ZNRF2: variants seen among roughly 807,000 people sequenced by gnomAD.
ZNRF2 encodes the protein E3 ubiquitin-protein ligase ZNRF2.
ZNRF2 carries 16 observed loss-of-function variants against 20.4 expected under a neutral mutation model. The ratio of observed to expected loss-of-function variants is 0.79; its 90% confidence interval spans 0.53 to 1.19. The LOEUF (loss-of-function observed/expected upper bound fraction) is 1.19. Ranked by LOEUF, ZNRF2 falls within the 50% of genes most tolerant of loss-of-function variation. The pLI, the probability that ZNRF2 is intolerant of heterozygous loss-of-function variation, is 0.00. For missense variants in ZNRF2, 363 were observed against 332.4 expected (o/e 1.09, Z -0.72); for synonymous variants, 178 against 144.9 (o/e 1.23, Z -1.64).
chr7:30,302,642 T>G (rs1371006101), intron 1 of ZNRF2, among the ~76,000 whole-genome samples: 1 of 152,158 alleles, frequency 6.6e-6, no homozygotes, highest in Non-Finnish European at 1.5e-5. Context: ...CTCGGACTAG[T>G]AGAAATATTG....
intron 2 of ZNRF2, among the ~76,000 whole-genome samples, chr7:30,349,627 CT>C (rs1051038483): frequency 2.6e-5 from 4 of 151,648 alleles, no homozygotes; most frequent in Non-Finnish European, 5.9e-5. Flanking sequence ...TTGCTGGACT[CT>C]TTTATTGCCA....
intron 2 of ZNRF2, among the ~76,000 whole-genome samples, chr7:30,352,109 A>G (rs73687813): frequency 0.019 from 2,920 of 152,138 alleles, 96 homozygotes; most frequent in African/African-American, 0.064. Context: ...TTTTCACACA[A>G]TTCTTTAAAA....
intron 1 of ZNRF2, among the ~76,000 whole-genome samples, chr7:30,313,625 A>G (rs943318113): frequency 1.3e-5 from 2 of 152,140 alleles, no homozygotes; most frequent in African/African-American, 4.8e-5. Flanking sequence ...CTCAGTTCCA[A>G]AAGTGCTTTG....
At chr7:30,342,249 C>T (rs553644163) in intron 2 of ZNRF2, among the ~76,000 whole-genome samples, 57 of 152,098 alleles carry the variant, frequency 3.7e-4, no homozygotes, top group Non-Finnish European at 5.4e-4. Context: ...TATTGTTATG[C>T]GTGAGTTTGA....
intron 1 of ZNRF2, among the ~76,000 whole-genome samples, chr7:30,311,206 C>T (rs1275499120): frequency 6.6e-6 from 1 of 152,108 alleles, no homozygotes; most frequent in African/African-American, 2.4e-5. Context: ...CCCTTGGAGT[C>T]AATAGGGGTC....
chr7:30,362,519 TTTTA>T (rs541217755), intron 4 of ZNRF2, 63 bp downstream of exon 4: 30 of 1,036,026 alleles, frequency 2.9e-5, no homozygotes, highest in Non-Finnish European at 3.4e-5. Context: ...AAACTATAAT[TTTTA>T]TTTATTCATT....
At chr7:30,306,439 AAGTC>A (rs564635835) in intron 1 of ZNRF2, among the ~76,000 whole-genome samples, 26 of 152,294 alleles carry the variant, frequency 1.7e-4, no homozygotes, top group Admixed American at 1.4e-3. Context: ...TGTTGAAACA[AAGTC>A]AGGAAGAATA....
At position 30,347,303 on chromosome 7, in the gene ZNRF2, C is replaced by T. The variant is rs114346229; in HGVS notation, c.566-8425C>T. Among the ~76,000 whole-genome samples the T allele has an allele frequency of 7.3e-3, 1,107 of 152,216 alleles. 16 individuals are homozygous for T. Among genetic ancestry groups the T allele is most frequent in the African/African-American group, 0.025 (1,037 of 41,532 alleles). On this transcript the variant is annotated intron_variant, in intron 2 of 4. Coordinates refer to ENST00000323037, the MANE Select transcript of ZNRF2 (RefSeq NM_147128.4). Reference sequence around the variant, plus strand: ...GCCTGTTGGTCAGTAGCCTGTCACACGAAGAATTTTTGTTTGAATTTGGAA... The same window carrying T: ...GCCTGTTGGTCAGTAGCCTGTCACATGAAGAATTTTTGTTTGAATTTGGAA...
At chr7:30,306,310 G>A (rs1227629731) in intron 1 of ZNRF2, among the ~76,000 whole-genome samples, 1 of 151,476 alleles carries the variant, frequency 6.6e-6, no homozygotes, top group Non-Finnish European at 1.5e-5. Context: ...ATAAAATTCA[G>A]TCTTTTATGG....
At chr7:30,355,654 T>C in intron 2 of ZNRF2, 74 bp from the exon 3 acceptor site, 2 of 1,225,194 alleles carry the variant, frequency 1.6e-6, no homozygotes, top group Admixed American at 3.8e-5. Flanking sequence ...TTTTTATCAG[T>C]TAGCATTCAC....
intron 2 of ZNRF2, among the ~76,000 whole-genome samples, chr7:30,355,397 G>A (rs1415193711): frequency 1.3e-5 from 2 of 151,890 alleles, no homozygotes; most frequent in African/African-American, 4.8e-5. Flanking sequence ...TCACACTAAA[G>A]GAAAATAAAT....
intron 2 of ZNRF2, among the ~76,000 whole-genome samples, chr7:30,343,071 C>T (rs915467832): frequency 6.6e-6 from 1 of 152,044 alleles, no homozygotes; most frequent in African/African-American, 2.4e-5. Flanking sequence ...TTTGGGAGGA[C>T]AAAGCAGGAG....
At chr7:30,311,787 C>A (rs1048043832) in intron 1 of ZNRF2, among the ~76,000 whole-genome samples, 7 of 152,066 alleles carry the variant, frequency 4.6e-5, no homozygotes, top group Non-Finnish European at 1.0e-4. Flanking sequence ...TATTTGAGTG[C>A]AAACAGTAGT....
intron 1 of ZNRF2, among the ~76,000 whole-genome samples, chr7:30,307,326 G>GTTTTTTTT (rs78007797): frequency 2.2e-3 from 94 of 43,238 alleles, no homozygotes; most frequent in Middle Eastern, 0.025. Context: ...GTTTTTTTTT[G>GTTTTTTTT]TTTTTTTTTT....
chr7:30,341,148 G>T (rs1799790257), intron 2 of ZNRF2, among the ~76,000 whole-genome samples: 1 of 152,016 alleles, frequency 6.6e-6, no homozygotes, highest in South Asian at 2.1e-4. Flanking sequence ...CTGGCTAGGG[G>T]TCTACCTATT....
chr7:30,340,211 C>T (rs1583589533), intron 2 of ZNRF2, among the ~76,000 whole-genome samples: 1 of 152,052 alleles, frequency 6.6e-6, no homozygotes, highest in Non-Finnish European at 1.5e-5. Context: ...AATTTGACTT[C>T]CTCTCTCCCT....
intron 1 of ZNRF2, among the ~76,000 whole-genome samples, chr7:30,299,763 C>CTTCTA (rs927344844): frequency 2.1e-5 from 3 of 145,260 alleles, no homozygotes; most frequent in Admixed American, 6.9e-5. Flanking sequence ...ATACTGTGTT[C>CTTCTA]TTCTAAAACC....
chr7:30,308,085 A>G (rs575645831), intron 1 of ZNRF2, among the ~76,000 whole-genome samples: 2 of 152,222 alleles, frequency 1.3e-5, no homozygotes, highest in East Asian at 1.9e-4. Context: ...TAATCCGTAC[A>G]TTTGTAATCA....
intron 2 of ZNRF2, among the ~76,000 whole-genome samples, chr7:30,341,712 G>T (rs1368291804): frequency 6.6e-6 from 1 of 152,180 alleles, no homozygotes; most frequent in Non-Finnish European, 1.5e-5. Context: ...TTGGGGTGGA[G>T]AATTCTGTGG....
Sources: allele counts gnomAD v4.1 joint callset (sites outside exome capture counted in the v4.1 genomes callset), GRCh38; gene constraint gnomAD v4.1.1; transcripts MANE v1.5; gene names NCBI Gene and HGNC (gene_info 2026-07-23, HGNC 2026-07-21).